Variants in FMN2 observed in about 807,000 individuals in gnomAD.
FMN2 encodes formin-2.
In FMN2, 51 loss-of-function variants were observed where a neutral mutation model predicts 142.3. The observed-to-expected ratio is 0.36, with a 90% CI of 0.29 to 0.45. The LOEUF is 0.45. Among genes scored for constraint, FMN2 ranks in the 20% least tolerant of loss-of-function variants. FMN2 has a pLI of 1.00. For synonymous variants in FMN2, 882 were observed against 869.8 expected (o/e 1.01, Z -0.25); for missense variants, 1,936 against 2,122.8 (o/e 0.91, Z 1.73).
Position 240,259,966 on chromosome 1 carries a change from G to A in FMN2, c.4153+1934G>A, listed in dbSNP as rs1449951424. On this transcript the variant is annotated intron_variant, in intron 7 of 17. Coordinates refer to ENST00000319653, the MANE Select transcript of FMN2 (RefSeq NM_020066.5). ...CTTTTTATGCCTTTGCATCCTCATA[G>A]CTTAGCTCTCACTTATGAATGTGAG... Among the ~76,000 whole-genome samples, 11 of 152,142 alleles carry A rather than the reference G, an allele frequency of 7.2e-5. No homozygotes were observed. In the South Asian group the frequency reaches 2.3e-3, roughly 32 times the overall value.
rs1191377860 is a variant in FMN2, at chr1:240,093,527, G to A, written c.1418G>A (p.Gly473Asp). The A allele has an allele frequency of 6.3e-7, 1 of 1,575,300 alleles. No individual in the cohort carries two copies. Residue 473 changes from glycine (G) to aspartate (D), a missense_variant, in exon 1 of 18, where the codon GGC (glycine) becomes GAC (aspartate). Gly to Asp is a moderately conservative substitution (Grantham distance 94, BLOSUM62 -1). Transcript: ENST00000319653. ...CCGGCCAAGAAGCACCGGGCCGACG[G>A]CGGCCTTGCGGCCGGCCTGAGCCGC... ...AAPAKKHRAD[G>D]GLAAGLSRSA...
intron 13 of FMN2, among the ~76,000 whole-genome samples, chr1:240,355,436 C>T (rs1192269662): frequency 6.6e-6 from 1 of 152,032 alleles, no homozygotes; most frequent in Non-Finnish European, 1.5e-5. Context: ...TACTCTGTGC[C>T]GGGCATTATT....
intron 6 of FMN2, among the ~76,000 whole-genome samples, chr1:240,237,416 A>G (rs1162622382): frequency 6.6e-6 from 1 of 152,170 alleles, no homozygotes; most frequent in Non-Finnish European, 1.5e-5. Context: ...TTAAGTGTCA[A>G]GGTCTTGTCC....
At chr1:240,188,308 G>A (rs1665565640) in intron 4 of FMN2, 46 bp downstream of exon 4, 1 of 1,588,298 alleles carries the variant, frequency 6.3e-7, no homozygotes, top group African/African-American at 1.3e-5. Context: ...TGTCTTATTT[G>A]TCTTAAGATT....
chr1:240,464,415 C>T (rs183578747), intron 16 of FMN2, among the ~76,000 whole-genome samples: 34 of 152,224 alleles, frequency 2.2e-4, no homozygotes, highest in Non-Finnish European at 3.5e-4. Flanking sequence ...GTAAATGATC[C>T]TCTCAGCTCT....
At position 240,209,816 on chromosome 1, in the gene FMN2, A is replaced by G. The variant is rs554770347; in HGVS notation, c.3920+1084A>G. ...CTACTCGGGAGGCTGAGGCAGGAGA[A>G]TGGCATGAACCCGGGAGGCGGAGCT... On this transcript the variant is annotated intron_variant, in intron 5 of 17. Coordinates refer to ENST00000319653, the MANE Select transcript of FMN2 (RefSeq NM_020066.5). 2.7e-3 allele frequency among the ~76,000 whole-genome samples: 404 copies of G among 151,856 alleles called. 3 individuals carry two copies. Among genetic ancestry groups the G allele is most frequent in the South Asian group, 0.026 (126 of 4,788 alleles).
intron 7 of FMN2, among the ~76,000 whole-genome samples, chr1:240,274,938 G>T: frequency 6.6e-6 from 1 of 152,096 alleles, no homozygotes; most frequent in African/African-American, 2.4e-5. Context: ...GTCAGACTTT[G>T]TTTGCTTGAG....
chr1:240,113,060 G>T (rs567138439), intron 1 of FMN2, among the ~76,000 whole-genome samples: 10 of 152,292 alleles, frequency 6.6e-5, no homozygotes, highest in African/African-American at 2.2e-4. Flanking sequence ...ACTTGAAAAA[G>T]TTAAAATTAC....
chr1:240,340,106 C>G (rs907629900), intron 13 of FMN2, among the ~76,000 whole-genome samples: 1 of 152,114 alleles, frequency 6.6e-6, no homozygotes, highest in African/African-American at 2.4e-5. Context: ...ACTTTCTTTT[C>G]AGTTTTTTTC....
chr1:240,372,052 G>A (rs942351046), intron 14 of FMN2, among the ~76,000 whole-genome samples: 1 of 152,038 alleles, frequency 6.6e-6, no homozygotes, highest in Non-Finnish European at 1.5e-5. Context: ...CCAGGTCAAC[G>A]TGGTGAAACC....
chr1:240,190,097 A>G (rs540165400), intron 4 of FMN2, among the ~76,000 whole-genome samples: 1 of 152,338 alleles, frequency 6.6e-6, no homozygotes, highest in Admixed American at 6.5e-5. Context: ...TCATGTGTGT[A>G]ACATTATAGT....
intron 7 of FMN2, among the ~76,000 whole-genome samples, chr1:240,266,065 G>T (rs970942884): frequency 6.7e-6 from 1 of 149,884 alleles, no homozygotes; most frequent in Non-Finnish European, 1.5e-5. Context: ...TGATTCAGGG[G>T]TACATGTGTA....
At chr1:240,392,266 T>G (rs1673628479) in intron 14 of FMN2, among the ~76,000 whole-genome samples, 2 of 152,248 alleles carry the variant, frequency 1.3e-5, no homozygotes, top group South Asian at 2.1e-4. Context: ...TTTTTCAGAA[T>G]CTGAAATTTT....
chr1:240,468,359 A>G (rs1300643637), intron 16 of FMN2, among the ~76,000 whole-genome samples: 16 of 128,482 alleles, frequency 1.2e-4, no homozygotes, highest in Admixed American at 1.2e-3. Context: ...TCTCTTCATG[A>G]ATCATGCACA....
chr1:240,274,195 A>T (rs1473113974), intron 7 of FMN2, among the ~76,000 whole-genome samples: 2 of 151,522 alleles, frequency 1.3e-5, no homozygotes, highest in Non-Finnish European at 2.9e-5. Context: ...AAGAAAAACA[A>T]TTTTAATATG....
rs1480455021 is a variant in FMN2 at position 240,238,283 on chromosome 1, CTATT to C, written c.4066-19661_4066-19658del. ...AGTTAGAATGACATCATTTAGCTAT[CTATT>C]AGATATTCAATAGAGATATTTATGA... is the stretch of plus-strand genomic sequence containing the variant. On this transcript the variant is annotated intron_variant, in intron 6 of 17. Transcript: ENST00000319653. Among the ~76,000 whole-genome samples, 57 of 152,290 alleles carry C rather than the reference CTATT, an allele frequency of 3.7e-4. 1 individual carries two copies. In the Middle Eastern group the frequency reaches 0.017, roughly 45 times the overall value.
At chr1:240,251,017 T>C (rs1414319539) in intron 6 of FMN2, among the ~76,000 whole-genome samples, 1 of 152,104 alleles carries the variant, frequency 6.6e-6, no homozygotes, top group Admixed American at 6.6e-5. Flanking sequence ...CAATTTTGTT[T>C]ATTTTTTCAT....
At chr1:240,355,948 CAGCAAAAAAAAAAAAAAAAAA>C (rs1558449480) in intron 14 of FMN2, 40 bp downstream of exon 14, 2 of 159,170 alleles carry the variant, frequency 1.3e-5, no homozygotes, top group Admixed American at 9.4e-5. Context: ...TCTCCCCTTT[CAGCAAAAAAAAAAAAAAAAAA>C]AAAAAAAAAA....
At chr1:240,319,527 G>GT (rs1285900934) in intron 8 of FMN2, among the ~76,000 whole-genome samples, 4 of 152,178 alleles carry the variant, frequency 2.6e-5, no homozygotes, top group Non-Finnish European at 5.9e-5. Flanking sequence ...GTTTAGCATC[G>GT]TGAGTCTTCA....
Sources: allele counts gnomAD v4.1 joint callset (sites outside exome capture counted in the v4.1 genomes callset), GRCh38; gene constraint gnomAD v4.1.1; transcripts MANE v1.5; gene names NCBI Gene and HGNC (gene_info 2026-07-23, HGNC 2026-07-21).